LRRC28: variants seen among roughly 807,000 people sequenced by gnomAD.
The protein encoded by LRRC28 is leucine-rich repeat-containing protein 28.
In LRRC28, 39 loss-of-function variants were observed where a neutral mutation model predicts 45.7. The ratio of observed to expected loss-of-function variants is 0.85; its 90% CI spans 0.66 to 1.12. LRRC28 has a LOEUF of 1.12. Ranked by LOEUF, LRRC28 falls within the 50% of genes most tolerant of loss-of-function variation. The pLI, the probability that LRRC28 is intolerant of heterozygous loss-of-function variation, is 0.00. For missense variants in LRRC28, 435 were observed against 438.5 expected, an observed-to-expected ratio of 0.99 and a Z score of 0.07; for synonymous variants, 206 against 178.8, an observed-to-expected ratio of 1.15 and a Z score of -1.22.
intron 5 of LRRC28, among the ~76,000 whole-genome samples, chr15:99,311,783 CT>C (rs1271065224): frequency 1.3e-5 from 2 of 152,222 alleles, no homozygotes; most frequent in African/African-American, 2.4e-5. Context: ...TGTGCCACCC[CT>C]GCTCTAGAAT....
At chr15:99,313,944 G>T (rs1344980103) in intron 5 of LRRC28, among the ~76,000 whole-genome samples, 1 of 152,072 alleles carries the variant, frequency 6.6e-6, no homozygotes, top group African/African-American at 2.4e-5. Context: ...CCAAGAAAAG[G>T]CTGCAGACTT....
At chr15:99,287,422 C>T (rs1376867859) in intron 4 of LRRC28, 128 bp downstream of exon 4, 1 of 633,966 alleles carries the variant, frequency 1.6e-6, no homozygotes, top group Non-Finnish European at 2.6e-6. Context: ...TCTAATAAGT[C>T]CAGTTAAGAA....
intron 5 of LRRC28, among the ~76,000 whole-genome samples, chr15:99,292,656 G>A (rs1022645468): frequency 3.3e-5 from 5 of 152,316 alleles, no homozygotes; most frequent in Middle Eastern, 3.4e-3. Flanking sequence ...GAGCCACCGC[G>A]CCCAGCCTCG....
chr15:99,369,530 T>G (rs989529511), intron 9 of LRRC28, among the ~76,000 whole-genome samples: 15 of 152,178 alleles, frequency 9.9e-5, no homozygotes, highest in Admixed American at 5.2e-4. Flanking sequence ...GGCTGGAAAC[T>G]TAGGCAGGGA....
intron 9 of LRRC28, among the ~76,000 whole-genome samples, chr15:99,365,129 G>T (rs562278316): frequency 6.6e-5 from 10 of 152,230 alleles, no homozygotes; most frequent in Non-Finnish European, 1.5e-4. Flanking sequence ...CGAAAATAAA[G>T]TAGATCCTTC....
intron 6 of LRRC28, among the ~76,000 whole-genome samples, chr15:99,346,664 C>G (rs568757004): frequency 1.3e-5 from 2 of 151,956 alleles, no homozygotes; most frequent in Non-Finnish European, 2.9e-5. Context: ...TGTATTAAAA[C>G]TTGACATTAT....
intron 5 of LRRC28, among the ~76,000 whole-genome samples, chr15:99,324,881 A>G (rs970696140): frequency 2.0e-5 from 3 of 152,198 alleles, no homozygotes; most frequent in African/African-American, 7.2e-5. Context: ...AAAAGAATGC[A>G]TTGTAACTCT....
intron 5 of LRRC28, among the ~76,000 whole-genome samples, chr15:99,288,824 C>T (rs948972204): frequency 1.3e-5 from 2 of 152,020 alleles, no homozygotes; most frequent in South Asian, 2.1e-4. Flanking sequence ...GGACTACAGG[C>T]ACGTGAAGCC....
At chr15:99,271,907 T>C (rs1426927850) in intron 2 of LRRC28, among the ~76,000 whole-genome samples, 1 of 152,204 alleles carries the variant, frequency 6.6e-6, no homozygotes, top group Admixed American at 6.5e-5. Context: ...CCAGTGTATC[T>C]ATTTTTCTGT....
At chr15:99,326,010 C>T (rs533427671) in intron 5 of LRRC28, among the ~76,000 whole-genome samples, 1 of 152,070 alleles carries the variant, frequency 6.6e-6, no homozygotes, top group African/African-American at 2.4e-5. Context: ...TGGTAATAGG[C>T]TGAGCTTGGT....
chr15:99,284,492 T>C (rs2081902861), intron 3 of LRRC28: 2 of 451,572 alleles, frequency 4.4e-6, no homozygotes, highest in South Asian at 1.6e-5. Context: ...CTAAACCATG[T>C]CTTCTTTGTA....
At chr15:99,312,884 G>T (rs1429916000) in intron 5 of LRRC28, among the ~76,000 whole-genome samples, 1 of 152,150 alleles carries the variant, frequency 6.6e-6, no homozygotes, top group Non-Finnish European at 1.5e-5. Context: ...GACACAAAAA[G>T]ACATGAGGCG....
intron 6 of LRRC28, among the ~76,000 whole-genome samples, chr15:99,348,427 T>C (rs753272450): frequency 6.6e-6 from 1 of 152,186 alleles, no homozygotes; most frequent in Non-Finnish European, 1.5e-5. Flanking sequence ...GGTTTCTTAA[T>C]CAATTTTGAG....
intron 9 of LRRC28, among the ~76,000 whole-genome samples, chr15:99,377,745 T>C (rs573432976): frequency 1.2e-3 from 182 of 152,130 alleles, no homozygotes; most frequent in African/African-American, 3.3e-3. Flanking sequence ...GGATCCAGTT[T>C]CAGCTTTCTA....
At chr15:99,335,353 G>T (rs1956287819) in intron 6 of LRRC28, among the ~76,000 whole-genome samples, 1 of 152,162 alleles carries the variant, frequency 6.6e-6, no homozygotes, top group Non-Finnish European at 1.5e-5. Context: ...GTGAGCCAGA[G>T]ATCATATTTA....
chr15:99,362,201 G>C (rs1957223273), intron 8 of LRRC28, among the ~76,000 whole-genome samples: 1 of 152,172 alleles, frequency 6.6e-6, no homozygotes, highest in African/African-American at 2.4e-5. Flanking sequence ...ACTTAAAAAA[G>C]AGTCCATACA....
intron 6 of LRRC28, among the ~76,000 whole-genome samples, chr15:99,347,781 T>C (rs1195435075): frequency 6.6e-6 from 1 of 152,202 alleles, no homozygotes; most frequent in Non-Finnish European, 1.5e-5. Flanking sequence ...TGTATCTCCT[T>C]TAGATATATA....
chr15:99,353,433 T>C (rs778566071), intron 7 of LRRC28, among the ~76,000 whole-genome samples: 4 of 152,166 alleles, frequency 2.6e-5, no homozygotes, highest in Non-Finnish European at 5.9e-5. Flanking sequence ...TTAGGAAAAC[T>C]TATGCAGCTG....
intron 6 of LRRC28, among the ~76,000 whole-genome samples, chr15:99,348,274 A>G (rs959960421): frequency 3.3e-5 from 5 of 151,886 alleles, no homozygotes; most frequent in Non-Finnish European, 7.4e-5. Flanking sequence ...AAGCTTTTTA[A>G]TTTGATGTAG....
Sources: gnomAD v4.1 joint callset for allele counts (sites outside exome capture counted in the v4.1 genomes callset) on GRCh38, gnomAD v4.1.1 for gene constraint, MANE v1.5 for transcripts, NCBI Gene and HGNC (gene_info 2026-07-23, HGNC 2026-07-21) for gene names.